The following TXNL4B variants were observed in gnomAD, a reference collection of about 807,000 sequenced individuals.
TXNL4B encodes the protein thioredoxin like 4B.
TXNL4B carries 12 observed loss-of-function variants against 13.0 expected under a neutral mutation model. That is an observed-to-expected ratio of 0.92 (90% CI 0.59 to 1.49). The LOEUF is 1.49. Ranked by LOEUF, TXNL4B falls within the 40% of genes most tolerant of loss-of-function variation. The pLI is 0.00. For synonymous variants in TXNL4B, 59 were observed against 58.9 expected (o/e 1.00, Z -0.01); for missense variants, 214 against 173.6 (o/e 1.23, Z -1.31).
At chr16:72,091,226 G>A (rs886281637) in intron 1 of TXNL4B, among the ~76,000 whole-genome samples, 3 of 152,082 alleles carry the variant, frequency 2.0e-5, no homozygotes, top group African/African-American at 7.3e-5. Flanking sequence ...GCTAGTAACA[G>A]CGGGATGCTG....
At position 72,090,787 on chromosome 16, in the gene TXNL4B, C is replaced by T. The variant is rs1363743397; in HGVS notation, c.-37-1G>A. On this transcript the variant is annotated splice_acceptor_variant, in intron 1 of 3. Coordinates refer to ENST00000268483, the MANE Select transcript of TXNL4B (RefSeq NM_017853.3). LOFTEE classifies it low-confidence loss of function (5UTR_SPLICE). ...CAAATGTGAATCCTCACTGTCACTC[C>T]TGAAATAAAGGTGCAATGTTTAAAG... 1 of 1,612,460 alleles carries T rather than the reference C, an allele frequency of 6.2e-7. No homozygotes were observed. Among genetic ancestry groups the T allele is most frequent in the Non-Finnish European group, 8.5e-7 (1 of 1,179,282 alleles).
At chr16:72,090,945 C>T (rs868427799) in intron 1 of TXNL4B, among the ~76,000 whole-genome samples, 159 bp from the exon 2 acceptor site, 2 of 152,182 alleles carry the variant, frequency 1.3e-5, no homozygotes, top group Non-Finnish European at 2.9e-5. Flanking sequence ...GTCCCTGCTC[C>T]TTGGAACCAG....
chr16:72,088,572 C>T (rs1181045255), intron 3 of TXNL4B, among the ~76,000 whole-genome samples: 1 of 152,184 alleles, frequency 6.6e-6, no homozygotes, highest in African/African-American at 2.4e-5. Flanking sequence ...TTCATAAATG[C>T]CACTTACCAG....
rs746384446 is a variant in TXNL4B, at chr16:72,090,734, G to A, written c.16C>T (p.Pro6Ser). ...ACTTCCTTTTTGCTAGTCAGCTTGG[G>A]CAGTAGGAAGCTCATCTTGAAATAA... MSFLL[P>S]KLTSKKEVDQ... is the part of the protein sequence containing the mutation. The change falls in exon 2 of 4, where the codon CCC becomes TCC. Residue 6 changes from proline (P) to serine (S), a missense_variant. Pro to Ser is a moderately conservative substitution (Grantham distance 74). Coordinates refer to ENST00000268483, the MANE Select transcript of TXNL4B (RefSeq NM_017853.3). 1 of 1,614,066 alleles carries A rather than the reference G, an allele frequency of 6.2e-7. No individual in the cohort carries two copies. The highest frequency in any genetic ancestry group is 1.1e-5 in the South Asian group (1 of 91,082).
intron 1 of TXNL4B, among the ~76,000 whole-genome samples, chr16:72,091,583 TG>T: frequency 6.6e-6 from 1 of 152,376 alleles, no homozygotes; most frequent in Non-Finnish European, 1.5e-5. Context: ...CTATGAAGAT[TG>T]CCCCATATCT....
Position 72,086,836 on chromosome 16 carries a change from G to T in TXNL4B, c.285-34C>A, listed in dbSNP as rs370458311. On this transcript the variant is annotated intron_variant, in intron 3 of 3. Coordinates refer to ENST00000268483, the MANE Select transcript of TXNL4B (RefSeq NM_017853.3). ...CATAGAAGAGAAACAACTGCTCTAA[G>T]AACTTTGAGTAATCACTTGTTGAAG... 99 of 1,462,930 alleles carry T rather than the reference G, an allele frequency of 6.8e-5. No individual in the cohort carries two copies. In the African/African-American group the frequency reaches 1.2e-3, roughly 18 times the overall value. 90.6% of individuals were successfully genotyped at this position (1,462,930 alleles called of 1,614,324 possible). A position where few individuals can be genotyped will look rare whatever the true frequency, so the allele number is the denominator to read the frequency against.
intron 1 of TXNL4B, among the ~76,000 whole-genome samples, chr16:72,092,902 G>C (rs2041935418): frequency 6.6e-6 from 1 of 152,244 alleles, no homozygotes; most frequent in Non-Finnish European, 1.5e-5. Context: ...CAAGATAGTG[G>C]TAGGGGCAGG....
At position 72,086,751 on chromosome 16, in the gene TXNL4B, G is replaced by T. The variant is rs761593119; in HGVS notation, c.336C>A (p.Phe112Leu). The change falls in exon 4 of 4, where the codon TTC (phenylalanine) becomes TTA (leucine). Residue 112 changes from phenylalanine to leucine, a missense_variant. Transcript: ENST00000268483. ...FVGSFKTKQDFIDLIEVIYRG... is the reference protein window; with the variant it reads ...FVGSFKTKQDLIDLIEVIYRG... ...GATAGATTACTTCAATCAAATCTAT[G>T]AAGTCTTGTTTGGTTTTGAAGCTTC... The T allele has an allele frequency of 1.9e-6, 3 of 1,613,528 alleles. No homozygotes were observed. The South Asian group carries it at 3.3e-5, about 18-fold the overall frequency.
chr16:72,085,115 G>C lies in TXNL4B; in HGVS notation c.*1522C>G. On this transcript the variant is annotated 3_prime_UTR_variant, in exon 4 of 4. Transcript: ENST00000268483. ...CTCCTCTCCTTTTGTCTTATTCCTG[G>C]AGTGACTCCCTCCTCTTATCAGCAG... The C allele has an allele frequency of 2.5e-6, 1 of 398,174 alleles. No individual in the cohort carries two copies. The highest frequency in any genetic ancestry group is 4.4e-6 in the Non-Finnish European group (1 of 226,030). 24.7% of individuals were successfully genotyped at this position (398,174 alleles called of 1,614,324 possible). A position where few individuals can be genotyped will look rare whatever the true frequency, so the allele number is the denominator to read the frequency against.
At position 72,090,268 on chromosome 16, in the gene TXNL4B, C is replaced by T. The variant is rs571407514; in HGVS notation, c.132+350G>A. On this transcript the variant is annotated intron_variant, in intron 2 of 3. Transcript: ENST00000268483. ...CTGCACCTGTGGGAAATTACTTGACCTCTCTGGTTTTTTTTTTCCTACTGG... is the reference window on the plus strand; with the variant it reads ...CTGCACCTGTGGGAAATTACTTGACTTCTCTGGTTTTTTTTTTCCTACTGG... The T allele has an allele frequency of 6.5e-5, 30 of 458,856 alleles. 1 individual carries two copies. Among genetic ancestry groups the T allele is most frequent in the South Asian group, 4.6e-4 (29 of 63,182 alleles). 28.4% of individuals were successfully genotyped at this position (458,856 alleles called of 1,614,324 possible).
intron 1 of TXNL4B, among the ~76,000 whole-genome samples, chr16:72,091,573 C>T (rs1327809624): frequency 6.6e-6 from 1 of 152,224 alleles, no homozygotes; most frequent in Non-Finnish European, 1.5e-5. Context: ...CAAACCTAAC[C>T]TATGAAGATT....
chr16:72,086,609 T>C lies in TXNL4B; in HGVS notation c.*28A>G, dbSNP rs775992130. The C allele has an allele frequency of 2.8e-5, 44 of 1,594,786 alleles. No homozygotes were observed. Among genetic ancestry groups the C allele is most frequent in the Non-Finnish European group, 3.6e-5 (42 of 1,163,942 alleles). On this transcript the variant is annotated 3_prime_UTR_variant, in exon 4 of 4. Transcript: ENST00000268483. ...AGGTACTGTGTCAAGATGTGCCTTC[T>C]TCTTCATCTTTGACAGCAATTAATG...
chr16:72,086,365 T>C lies in TXNL4B; in HGVS notation c.*272A>G, dbSNP rs574612987. 2.2e-4 allele frequency: 67 copies of C among 301,776 alleles called. No individual in the cohort carries two copies. Among genetic ancestry groups the C allele is most frequent in the African/African-American group, 1.2e-3 (57 of 47,100 alleles). 18.7% of individuals were successfully genotyped at this position (301,776 alleles called of 1,614,324 possible). On this transcript the variant is annotated 3_prime_UTR_variant, in exon 4 of 4. Coordinates refer to ENST00000268483, the MANE Select transcript of TXNL4B (RefSeq NM_017853.3). ...TGTATTAAAGGGATAAAGAAAAACA[T>C]TAGAAAGAGAAGTTACAAAAATCAC...
chr16:72,090,571 A>G (rs372943613), intron 2 of TXNL4B, 47 bp downstream of exon 2: 215 of 1,595,410 alleles, frequency 1.3e-4, no homozygotes, highest in Non-Finnish European at 1.7e-4. Flanking sequence ...TGAAGTGAGA[A>G]TATACAGATT....
rs778134996 is a variant in TXNL4B at position 72,090,700 on chromosome 16, G to A, written c.50C>T (p.Ala17Val). The change falls in exon 2 of 4, where the codon GCG becomes GTG. Residue 17 changes from alanine (A) to valine (V), a missense_variant. Physicochemically the swap from Ala to Val is moderately conservative, Grantham distance 64. Coordinates refer to ENST00000268483, the MANE Select transcript of TXNL4B (RefSeq NM_017853.3). ...KLTSKKEVDQ[A>V]IKSTAEKVLV... ...CACCTTCTCAGCAGTACTTTTTATC[G>A]CCTGGTCTACTTCCTTTTTGCTAGT... 9 of 1,613,884 alleles carry A rather than the reference G, an allele frequency of 5.6e-6. No individual in the cohort carries two copies. In the East Asian group the frequency reaches 1.3e-4, roughly 24 times the overall value.
chr16:72,091,764 A>G (rs2041908708), intron 1 of TXNL4B, among the ~76,000 whole-genome samples: 2 of 152,220 alleles, frequency 1.3e-5, no homozygotes, highest in African/African-American at 2.4e-5. Context: ...AAACAGATCA[A>G]TTAAGAGTGT....
intron 1 of TXNL4B, among the ~76,000 whole-genome samples, chr16:72,092,819 A>T (rs981926776): frequency 1.3e-5 from 2 of 152,262 alleles, no homozygotes; most frequent in Admixed American, 6.5e-5. Context: ...TAAAAAGTTA[A>T]GCTTTACCAG....
chr16:72,092,121 T>A lies in TXNL4B; in HGVS notation c.-38+1246A>T, dbSNP rs571855026. Among the ~76,000 whole-genome samples, 40 of 152,330 alleles carry A rather than the reference T, an allele frequency of 2.6e-4. No homozygotes were observed. The South Asian group carries it at 7.9e-3, about 30-fold the overall frequency. On this transcript the variant is annotated intron_variant, in intron 1 of 3. Transcript: ENST00000268483. ...ATTTTTTTTGTCACAAGTCACATTT[T>A]AAGATACGAATTAGGCCAGGCTCAC...
chr16:72,087,015 G>A (rs574403064), intron 3 of TXNL4B, among the ~76,000 whole-genome samples: 1 of 152,292 alleles, frequency 6.6e-6, no homozygotes, highest in South Asian at 2.1e-4. Flanking sequence ...TGAAAGCTCT[G>A]TCATGTGCAA....
Sources: allele counts gnomAD v4.1 joint callset (sites outside exome capture counted in the v4.1 genomes callset), GRCh38; gene constraint gnomAD v4.1.1; transcripts MANE v1.5; gene names NCBI Gene and HGNC (gene_info 2026-07-23, HGNC 2026-07-21).